The following C1QTNF2 variants were observed in gnomAD, a reference collection of about 807,000 sequenced individuals.
C1QTNF2 encodes the protein C1q and TNF related 2, also known as complement C1q tumor necrosis factor-related protein 2.
Under a neutral mutation model 17.4 loss-of-function variants are expected in C1QTNF2, and 15 were observed. The observed-to-expected ratio is 0.86, with a 90% CI of 0.58 to 1.33. C1QTNF2 has a LOEUF of 1.33. C1QTNF2 is among the 40% of genes most tolerant of loss of function. C1QTNF2 has a pLI of 0.00. For synonymous variants in C1QTNF2, 154 were observed against 163.3 expected, an observed-to-expected ratio of 0.94 and a Z score of 0.44; for missense variants, 381 against 392.3, an observed-to-expected ratio of 0.97 and a Z score of 0.24.
intron 2 of C1QTNF2, among the ~76,000 whole-genome samples, chr5:160,352,456 G>A (rs1396743967): frequency 6.6e-6 from 1 of 152,166 alleles, no homozygotes; most frequent in African/African-American, 2.4e-5. Context: ...TACATGCGCT[G>A]GGACTCTCCC....
At position 160,348,345 on chromosome 5, in the gene C1QTNF2, T is replaced by A. The variant is rs1208857198; in HGVS notation, c.*823A>T. 6.6e-6 allele frequency: 1 copy of A among 152,252 alleles called. No homozygotes were observed. The highest frequency in any genetic ancestry group is 1.5e-5 in the Non-Finnish European group (1 of 68,066). 9.4% of individuals were successfully genotyped at this position (152,252 alleles called of 1,614,324 possible). A position where few individuals can be genotyped will look rare whatever the true frequency, so the allele number is the denominator to read the frequency against. ...CACTTTGTATTCTGATAAGCCTTCG[T>A]GAATGGAACGAGCTCTGCCATGGCC... On this transcript the variant is annotated 3_prime_UTR_variant, in exon 3 of 3. Coordinates refer to ENST00000652664, the MANE Select transcript of C1QTNF2 (RefSeq NM_031908.6).
intron 2 of C1QTNF2, among the ~76,000 whole-genome samples, chr5:160,353,580 T>C (rs942696093): frequency 3.3e-5 from 5 of 152,116 alleles, no homozygotes; most frequent in Non-Finnish European, 7.4e-5. Context: ...TGGTCCAGGA[T>C]ACGCATGTGG....
chr5:160,349,046 G>A lies in C1QTNF2; in HGVS notation c.*122C>T. 8.3e-7 allele frequency: 1 copy of A among 1,211,984 alleles called. No individual in the cohort carries two copies. Among genetic ancestry groups the A allele is most frequent in the Non-Finnish European group, 1.1e-6 (1 of 871,024 alleles). 75.1% of individuals were successfully genotyped at this position (1,211,984 alleles called of 1,614,324 possible). A position where few individuals can be genotyped will look rare whatever the true frequency, so the allele number is the denominator to read the frequency against. On this transcript the variant is annotated 3_prime_UTR_variant, in exon 3 of 3. Transcript: ENST00000652664. This position sits in a 1 kb window ranked among gnomAD's most constrained non-coding sequence, Gnocchi z 4.3. ...GAAGGGGAAAAAAAGAGGCAGAGGA[G>A]GTGAGCCTGAGGCTAGAACCGCTCA...
At position 160,361,426 on chromosome 5, in the gene C1QTNF2, T is replaced by G. The variant is rs116642035; in HGVS notation, c.-9-6406A>C. On this transcript the variant is annotated intron_variant, in intron 1 of 2. Coordinates refer to ENST00000652664, the MANE Select transcript of C1QTNF2 (RefSeq NM_031908.6). ...GAGCAAGCCTACTAGGCCTGGGTGC[T>G]GAACAGTCTCCCGTTGCAGATTGGA... Among the ~76,000 whole-genome samples the G allele has an allele frequency of 4.7e-3, 718 of 152,324 alleles. 7 individuals carry two copies. Among genetic ancestry groups the G allele is most frequent in the African/African-American group, 0.017 (687 of 41,578 alleles).
At chr5:160,367,268 T>C (rs546723318) in intron 1 of C1QTNF2, among the ~76,000 whole-genome samples, 1 of 152,278 alleles carries the variant, frequency 6.6e-6, no homozygotes, top group South Asian at 2.1e-4. Flanking sequence ...CGTTTGCAGC[T>C]TTTCTTGGGC....
At chr5:160,365,062 G>T (rs1482793484) in intron 1 of C1QTNF2, among the ~76,000 whole-genome samples, 1 of 152,170 alleles carries the variant, frequency 6.6e-6, no homozygotes, top group Non-Finnish European at 1.5e-5. Context: ...ACCTGGGCAG[G>T]TTATAACTGT....
intron 2 of C1QTNF2, among the ~76,000 whole-genome samples, chr5:160,352,259 C>A (rs547560283): frequency 6.6e-6 from 1 of 152,180 alleles, no homozygotes; most frequent in South Asian, 2.1e-4. Flanking sequence ...GATAAAAAAG[C>A]TTACCAGGAG....
chr5:160,361,008 C>T (rs1764144618), intron 1 of C1QTNF2, among the ~76,000 whole-genome samples: 1 of 151,992 alleles, frequency 6.6e-6, no homozygotes. Context: ...GCTGGCCAGG[C>T]TGGTCTCGAA....
At chr5:160,350,642 C>T (rs1163153444) in intron 2 of C1QTNF2, among the ~76,000 whole-genome samples, 2 of 152,012 alleles carry the variant, frequency 1.3e-5, no homozygotes, top group African/African-American at 4.8e-5. Flanking sequence ...TTCCAGGTTA[C>T]AGTGAGCTAT....
At chr5:160,355,057 G>T in intron 1 of C1QTNF2, 37 bp from the exon 2 acceptor site, 1 of 1,496,326 alleles carries the variant, frequency 6.7e-7, no homozygotes, top group Middle Eastern at 1.9e-4. Context: ...GGTGAGTGTG[G>T]CCACCAAGCT....
At chr5:160,354,584 G>GA (rs200801719) in intron 2 of C1QTNF2, among the ~76,000 whole-genome samples, 184 bp downstream of exon 2, 208 of 27,174 alleles carry the variant, frequency 7.7e-3, no homozygotes, top group Middle Eastern at 0.026. Context: ...GTCTCAAGGG[G>GA]AAAAAAAAAA....
At chr5:160,364,243 C>T (rs920556372) in intron 1 of C1QTNF2, among the ~76,000 whole-genome samples, 6 of 152,180 alleles carry the variant, frequency 3.9e-5, no homozygotes, top group African/African-American at 9.7e-5. Context: ...CTCCAATAGC[C>T]GCATGGTGGC....
intron 2 of C1QTNF2, among the ~76,000 whole-genome samples, chr5:160,353,534 C>T (rs541405151): frequency 4.6e-5 from 7 of 152,184 alleles, no homozygotes; most frequent in Admixed American, 3.3e-4. Flanking sequence ...GCCTGCCCTG[C>T]AAATGGAGGC....
At chr5:160,354,598 GTATATATATATATA>G (rs1172776724) in intron 2 of C1QTNF2, among the ~76,000 whole-genome samples, 156 bp downstream of exon 2, 10 of 30,886 alleles carry the variant, frequency 3.2e-4, no homozygotes, top group South Asian at 2.1e-3. Flanking sequence ...AAAAAAAAAA[GTATATATATATATA>G]TATATATATA....
chr5:160,370,516 G>T lies in C1QTNF2; in HGVS notation c.-14C>A, dbSNP rs540170924. On this transcript the variant is annotated 5_prime_UTR_variant, in exon 1 of 3. Coordinates refer to ENST00000652664, the MANE Select transcript of C1QTNF2 (RefSeq NM_031908.6). ...ACCGCGGTGCGGGACACTCACCCTC[G>T]CGGCTGCCCGCCACGTCCAGGGGCG... The T allele has an allele frequency of 4.7e-6, 7 of 1,479,656 alleles. No homozygotes were observed. Among genetic ancestry groups the T allele is most frequent in the Middle Eastern group, 1.8e-4 (1 of 5,436 alleles). 91.7% of individuals were successfully genotyped at this position (1,479,656 alleles called of 1,614,324 possible).
chr5:160,355,189 A>G, intron 1 of C1QTNF2, 169 bp from the exon 2 acceptor site: 1 of 982,496 alleles, frequency 1.0e-6, no homozygotes, highest in Non-Finnish European at 1.2e-6. Flanking sequence ...CAGAGTCGTC[A>G]TATCTTGAGG....
At chr5:160,359,700 G>T (rs142935535) in intron 1 of C1QTNF2, among the ~76,000 whole-genome samples, 2 of 152,340 alleles carry the variant, frequency 1.3e-5, no homozygotes, top group East Asian at 3.9e-4. Flanking sequence ...GATGAGAGGC[G>T]TGGAGGGGAC....
chr5:160,369,530 G>A (rs1267358912), intron 1 of C1QTNF2, among the ~76,000 whole-genome samples: 1 of 152,080 alleles, frequency 6.6e-6, no homozygotes, highest in Non-Finnish European at 1.5e-5. Context: ...GGATGTGAGA[G>A]GACAGATTTT....
chr5:160,351,360 T>C (rs1481232057), intron 2 of C1QTNF2, among the ~76,000 whole-genome samples: 1 of 152,270 alleles, frequency 6.6e-6, no homozygotes, highest in Non-Finnish European at 1.5e-5. Flanking sequence ...TAGAACCATA[T>C]GAACTGGGTC....
Sources: gnomAD v4.1 joint callset for allele counts (sites outside exome capture counted in the v4.1 genomes callset) on GRCh38, gnomAD v4.1.1 for gene constraint, Gnocchi (gnomAD v3.1) non-coding constraint, MANE v1.5 for transcripts, NCBI Gene and HGNC (gene_info 2026-07-23, HGNC 2026-07-21) for gene names.